Variants in UGT1A8 observed in about 807,000 individuals in gnomAD.
The protein encoded by UGT1A8 is UDP-glucuronosyltransferase 1A8.
A neutral mutation model predicts 45.3 loss-of-function variants in UGT1A8; 39 were observed. The observed-to-expected ratio is 0.86, with a 90% CI of 0.67 to 1.12. The LOEUF is 1.12. Among genes scored for constraint, UGT1A8 ranks in the 50% most tolerant of loss-of-function variants. The probability of loss-of-function intolerance (pLI) is 0.00; values close to 1 mark genes in which losing one functional copy is unlikely to be tolerated. For missense variants in UGT1A8, 719 were observed against 664.9 expected, an observed-to-expected ratio of 1.08 and a Z score of -0.90; for synonymous variants, 275 against 249.2, an observed-to-expected ratio of 1.10 and a Z score of -0.97.
At chr2:233,643,762 C>A (rs754582782) in intron 1 of UGT1A8, among the ~76,000 whole-genome samples, 3 of 152,062 alleles carry the variant, frequency 2.0e-5, no homozygotes, top group Non-Finnish European at 4.4e-5. Flanking sequence ...AGTTAGCAGG[C>A]GATGAACGCT....
At chr2:233,692,661 G>A (rs922876632) in intron 1 of UGT1A8, among the ~76,000 whole-genome samples, 2 of 152,176 alleles carry the variant, frequency 1.3e-5, no homozygotes, top group Admixed American at 6.5e-5. Flanking sequence ...CAGCAAGTTC[G>A]GGATAGAGAA....
intron 1 of UGT1A8, chr2:233,747,663 A>G (rs1693743118): frequency 1.9e-6 from 3 of 1,600,614 alleles, no homozygotes; most frequent in Admixed American, 1.7e-5. Flanking sequence ...TGTGGTTTTA[A>G]TAGACCCAAT....
chr2:233,713,977 CATT>C (rs2076359856), intron 1 of UGT1A8: 15 of 1,595,186 alleles, frequency 9.4e-6, no homozygotes, highest in African/African-American at 5.4e-5. Context: ...TTCTGCTTCT[CATT>C]GTTGTAATAG....
Position 233,761,080 on chromosome 2 carries a change from C to T in UGT1A8, c.856-5954C>T, listed in dbSNP as rs760907397. On this transcript the variant is annotated intron_variant, in intron 1 of 4. Transcript: ENST00000373450. ...TAGAAGTGACTTTGTGAAGGATTAC[C>T]CTAGGCCCATCATGCCCAATATGGT... The T allele has an allele frequency of 5.0e-6, 8 of 1,614,034 alleles. No individual in the cohort carries two copies. The highest frequency in any genetic ancestry group is 1.3e-5 in the African/African-American group (1 of 74,910).
intron 1 of UGT1A8, chr2:233,729,631 A>C (rs141036072): frequency 6.2e-7 from 1 of 1,613,646 alleles, no homozygotes; most frequent in Non-Finnish European, 8.5e-7. Context: ...GTCGATTCCT[A>C]CTGTGTTTTT....
At chr2:233,712,014 A>G (rs1483051058) in intron 1 of UGT1A8, among the ~76,000 whole-genome samples, 1 of 152,208 alleles carries the variant, frequency 6.6e-6, no homozygotes. Context: ...AACCATTCTT[A>G]TCAGAACTTG....
intron 1 of UGT1A8, among the ~76,000 whole-genome samples, chr2:233,649,366 GT>G (rs1217410864): frequency 2.0e-5 from 3 of 152,086 alleles, no homozygotes; most frequent in African/African-American, 7.2e-5. Context: ...GACTTTTTTA[GT>G]ATTTTTGGAA....
In UGT1A8 at chr2:233,676,285, G is replaced by T. The variant is rs551451465; in HGVS notation, c.855+57723G>T. 2.4e-4 allele frequency among the ~76,000 whole-genome samples: 37 copies of T among 152,238 alleles called. No homozygotes were observed. The South Asian group carries it at 7.7e-3, about 32-fold the overall frequency. On this transcript the variant is annotated intron_variant, in intron 1 of 4. Transcript: ENST00000373450. ...ATCACCCCTGTGTGCATCCACAGGGGTCCTGCAAATATTTTCTCACAGTCT... is the reference window on the plus strand; with the variant it reads ...ATCACCCCTGTGTGCATCCACAGGGTTCCTGCAAATATTTTCTCACAGTCT...
intron 1 of UGT1A8, chr2:233,647,971 G>T (rs1483919107): frequency 3.7e-6 from 6 of 1,607,974 alleles, no homozygotes; most frequent in Non-Finnish European, 5.1e-6. Context: ...GTCGGTGGTG[G>T]AGAAACTCAT....
At chr2:233,691,112 C>G (rs1240523008) in intron 1 of UGT1A8, 1 of 985,862 alleles carries the variant, frequency 1.0e-6, no homozygotes, top group Non-Finnish European at 1.2e-6. Context: ...TTCCTACATG[C>G]TTGCTTAAGC....
chr2:233,683,152 A>T (rs1156780425), intron 1 of UGT1A8, among the ~76,000 whole-genome samples: 2 of 152,106 alleles, frequency 1.3e-5, no homozygotes, highest in East Asian at 3.8e-4. Flanking sequence ...ATTGTTTTCA[A>T]TTTTTTTGAA....
intron 1 of UGT1A8, chr2:233,648,425 C>T (rs370429158): frequency 2.4e-4 from 47 of 195,700 alleles, no homozygotes; most frequent in Admixed American, 7.6e-4. Context: ...TCAGGGTTTT[C>T]GGATGCTGTG....
At chr2:233,755,840 T>G (rs557934522) in intron 1 of UGT1A8, 1 of 152,356 alleles carries the variant, frequency 6.6e-6, no homozygotes, top group Admixed American at 6.5e-5. Flanking sequence ...ATTGGGCAAT[T>G]TAAGAAGAAT....
chr2:233,753,468 A>G (rs1476776984), intron 1 of UGT1A8: 1 of 152,192 alleles, frequency 6.6e-6, no homozygotes, highest in Non-Finnish European at 1.5e-5. Flanking sequence ...TTCTGTAAAA[A>G]ATTACCAGCA....
intron 1 of UGT1A8, among the ~76,000 whole-genome samples, chr2:233,695,554 A>G (rs1000632787): frequency 6.6e-6 from 1 of 151,596 alleles, no homozygotes; most frequent in Non-Finnish European, 1.5e-5. Flanking sequence ...AATTTTAACC[A>G]ACCATTTTCA....
intron 1 of UGT1A8, among the ~76,000 whole-genome samples, chr2:233,674,379 C>A (rs2125505590): frequency 6.6e-6 from 1 of 152,272 alleles, no homozygotes; most frequent in East Asian, 1.9e-4. Context: ...CTTTTCTCCC[C>A]TTTACCCTCC....
chr2:233,720,341 A>G (rs1485102276), intron 1 of UGT1A8, among the ~76,000 whole-genome samples: 7 of 152,088 alleles, frequency 4.6e-5, no homozygotes, highest in Non-Finnish European at 1.0e-4. Flanking sequence ...TTTGGAAGGT[A>G]TGGTGATGGT....
intron 1 of UGT1A8, chr2:233,729,460 A>G: frequency 1.2e-6 from 2 of 1,614,116 alleles, no homozygotes; most frequent in Non-Finnish European, 1.7e-6. Flanking sequence ...GAAATTTTTC[A>G]GAAGTATGGC....
intron 1 of UGT1A8, among the ~76,000 whole-genome samples, chr2:233,714,126 C>A (rs866787079): frequency 6.6e-6 from 1 of 152,016 alleles, no homozygotes; most frequent in Middle Eastern, 3.2e-3. Context: ...GGAGACTGTT[C>A]GTTTGTAAAA....
Sources: allele counts gnomAD v4.1 joint callset (sites outside exome capture counted in the v4.1 genomes callset), GRCh38; gene constraint gnomAD v4.1.1; transcripts MANE v1.5; gene names NCBI Gene and HGNC (gene_info 2026-07-23, HGNC 2026-07-21).